Variants in PARD6G observed in about 807,000 individuals in gnomAD.
PARD6G encodes par-6 family cell polarity regulator gamma, also known as partitioning defective 6 homolog gamma.
In PARD6G, 7 loss-of-function variants were observed where a neutral mutation model predicts 10.7. The ratio of observed to expected loss-of-function variants is 0.66; its 90% confidence interval spans 0.37 to 1.23. The LOEUF is 1.23. Ranked by LOEUF, PARD6G falls within the 50% of genes most tolerant of loss-of-function variation. PARD6G has a pLI of 0.02. For missense variants in PARD6G, 548 were observed against 571.8 expected, an observed-to-expected ratio of 0.96 and a Z score of 0.42; for synonymous variants, 287 against 269.4, an observed-to-expected ratio of 1.07 and a Z score of -0.64.
chr18:80,184,018 T>G lies in PARD6G; in HGVS notation c.295+18692A>C, dbSNP rs1229791550. ...ACATATATGTTAGCGGTCAAAGAAC[T>G]CTGTTTTTCTTGGTCCAAACCAGAG... On this transcript the variant is annotated intron_variant, in intron 2 of 2. Transcript: ENST00000353265. The surrounding 1 kb of genome is among the most constrained non-coding windows in gnomAD (Gnocchi z 4.5). 6.6e-6 allele frequency: 1 copy of G among 152,208 alleles called. No homozygotes were observed. The highest frequency in any genetic ancestry group is 2.4e-5 in the African/African-American group (1 of 41,434). 9.4% of individuals were successfully genotyped at this position (152,208 alleles called of 1,614,324 possible). A position where few individuals can be genotyped will look rare whatever the true frequency, so the allele number is the denominator to read the frequency against.
intron 2 of PARD6G, among the ~76,000 whole-genome samples, chr18:80,167,361 A>G (rs1263725692): frequency 6.6e-6 from 1 of 152,080 alleles, no homozygotes; most frequent in African/African-American, 2.4e-5. Flanking sequence ...TGTGCAGGAT[A>G]ACACATGGGC....
At chr18:80,229,988 G>A (rs1002901659) in intron 1 of PARD6G, among the ~76,000 whole-genome samples, 6 of 152,178 alleles carry the variant, frequency 3.9e-5, no homozygotes, top group Non-Finnish European at 7.4e-5. Flanking sequence ...ATTCCCCCAC[G>A]CATCCAGGTG....
Position 80,160,561 on chromosome 18 carries a change from C to A in PARD6G, c.341G>T (p.Arg114Leu). 1 of 1,476,546 alleles carries A rather than the reference C, an allele frequency of 6.8e-7. No homozygotes were observed. Among genetic ancestry groups the A allele is most frequent in the Non-Finnish European group, 9.0e-7 (1 of 1,117,182 alleles). 91.5% of individuals were successfully genotyped at this position (1,476,546 alleles called of 1,614,324 possible). ...ACGCAGCGCGCCCAGCGCCCGCCTC[C>A]GCCTGCACAGCGAGCCCGCGCCGAG... Reference protein sequence around the residue: ...GSLGAGSLCRRRRALGALRDE... With the variant: ...GSLGAGSLCRLRRALGALRDE... The change falls in exon 3 of 3, where the codon CGG becomes CTG. Residue 114 changes from arginine to leucine, a missense_variant. Arg to Leu is a moderately radical substitution (Grantham distance 102). Around this residue, in one of 2 missense-constraint regions of PARD6G, gnomAD observed 235 missense variants for 291.9 expected, o/e 0.81. Coordinates refer to ENST00000353265, the MANE Select transcript of PARD6G (RefSeq NM_032510.4).
rs548581038 is a variant in PARD6G, at chr18:80,192,076, G to A, written c.295+10634C>T. 1.5e-4 allele frequency among the ~76,000 whole-genome samples: 23 copies of A among 152,324 alleles called. No homozygotes were observed. The highest frequency in any genetic ancestry group is 2.8e-4 in the Non-Finnish European group (19 of 68,032). ...TTTCATGTTTTCAATGTACAAGAAG[G>A]TCAGCGTTAACCACAAGAAGTTTCC... is the stretch of plus-strand genomic sequence containing the variant. On this transcript the variant is annotated intron_variant, in intron 2 of 2. Transcript: ENST00000353265. The surrounding 1 kb of genome is among the most constrained non-coding windows in gnomAD (Gnocchi z 4.9).
rs1022546717 is a variant in PARD6G, at chr18:80,184,481, G to A, written c.295+18229C>T. The A allele has an allele frequency of 6.6e-6, 1 of 152,236 alleles. No individual in the cohort carries two copies. Among genetic ancestry groups the A allele is most frequent in the Non-Finnish European group, 1.5e-5 (1 of 68,150 alleles). The allele number at this position is 152,236 out of a possible 1,614,324, so 9.4% of individuals were successfully genotyped here. A position where few individuals can be genotyped will look rare whatever the true frequency, so the allele number is the denominator to read the frequency against. On this transcript the variant is annotated intron_variant, in intron 2 of 2. Coordinates refer to ENST00000353265, the MANE Select transcript of PARD6G (RefSeq NM_032510.4). This position sits in a 1 kb window ranked among gnomAD's most constrained non-coding sequence, Gnocchi z 4.5. ...GGAGCAAGGCCGTGAAACCTGCAGC[G>A]GGAGCAAGGCGGTGAAACCCGCAGA...
chr18:80,208,767 A>C (rs115910257), intron 1 of PARD6G, among the ~76,000 whole-genome samples: 5 of 152,114 alleles, frequency 3.3e-5, no homozygotes. Flanking sequence ...TTTCCTAAAA[A>C]AGATTGCATT....
rs527685469 is a variant in PARD6G at position 80,224,674 on chromosome 18, C to T, written c.73-21742G>A. On this transcript the variant is annotated intron_variant, in intron 1 of 2. Transcript: ENST00000353265. ...CAACCTGGCTAACACGGTGAAACCC[C>T]ATCTCTACTAAAAATACAAAAAATT... 3.6e-3 allele frequency among the ~76,000 whole-genome samples: 547 copies of T among 152,228 alleles called. 4 individuals carry two copies. Among genetic ancestry groups the T allele is most frequent in the African/African-American group, 0.012 (513 of 41,556 alleles).
At chr18:80,242,595 G>A (rs9946010) in intron 1 of PARD6G, among the ~76,000 whole-genome samples, 3,835 of 152,290 alleles carry the variant, frequency 0.025, 157 homozygotes, top group African/African-American at 0.088. Flanking sequence ...CATCCTGGAG[G>A]GCCCAAGTTT....
rs962247509 is a variant in PARD6G, at chr18:80,158,341, T to C, written c.*1430A>G. 8.5e-5 allele frequency: 13 copies of C among 152,226 alleles called. No individual in the cohort carries two copies. Among genetic ancestry groups the C allele is most frequent in the African/African-American group, 2.9e-4 (12 of 41,454 alleles). 9.4% of individuals were successfully genotyped at this position (152,226 alleles called of 1,614,324 possible). A position where few individuals can be genotyped will look rare whatever the true frequency, so the allele number is the denominator to read the frequency against. ...GCAAATGACTGCATTCTCAAAGACA[T>C]TGCTGGACATGTGCGATGCTTATCC... On this transcript the variant is annotated 3_prime_UTR_variant, in exon 3 of 3. Transcript: ENST00000353265.
At chr18:80,240,792 A>T (rs1443959516) in intron 1 of PARD6G, among the ~76,000 whole-genome samples, 1 of 152,146 alleles carries the variant, frequency 6.6e-6, no homozygotes, top group African/African-American at 2.4e-5. Context: ...TTTCAAGGAG[A>T]CGTGAGGCTG....
intron 1 of PARD6G, among the ~76,000 whole-genome samples, chr18:80,232,805 G>A (rs1020743796): frequency 2.0e-5 from 3 of 152,226 alleles, no homozygotes; most frequent in African/African-American, 4.8e-5. Context: ...GGCAGCTGAG[G>A]AGAGGGTCTA....
At chr18:80,226,557 A>T (rs547855579) in intron 1 of PARD6G, among the ~76,000 whole-genome samples, 1 of 152,294 alleles carries the variant, frequency 6.6e-6, no homozygotes, top group East Asian at 1.9e-4. Context: ...ATGGTAGCAC[A>T]CTACCAACAC....
chr18:80,226,991 G>T (rs1330213493), intron 1 of PARD6G, among the ~76,000 whole-genome samples: 2 of 152,162 alleles, frequency 1.3e-5, no homozygotes, highest in African/African-American at 4.8e-5. Context: ...TGGAGACAGG[G>T]TCTTATTCTG....
chr18:80,212,343 A>C (rs2145287788), intron 1 of PARD6G, among the ~76,000 whole-genome samples: 1 of 152,236 alleles, frequency 6.6e-6, no homozygotes, highest in East Asian at 1.9e-4. Context: ...TTGGAAAATA[A>C]GTGAATGAAT....
intron 1 of PARD6G, among the ~76,000 whole-genome samples, chr18:80,224,644 A>G (rs570821881): frequency 1.7e-3 from 256 of 152,320 alleles, no homozygotes; most frequent in Non-Finnish European, 1.8e-3. Flanking sequence ...TCAGCAGTTC[A>G]AGACCAACCT....
chr18:80,164,809 T>G (rs2052724371), intron 2 of PARD6G, among the ~76,000 whole-genome samples: 2 of 152,162 alleles, frequency 1.3e-5, no homozygotes, highest in South Asian at 4.1e-4. Flanking sequence ...AGCAGGTTTT[T>G]TATTAAGGGT....
intron 2 of PARD6G, among the ~76,000 whole-genome samples, chr18:80,186,997 G>A (rs8087653): frequency 0.16 from 24,722 of 151,984 alleles, 2,679 homozygotes; most frequent in East Asian, 0.44. Context: ...TACTCAGGAG[G>A]CTGAGGCAGG....
chr18:80,211,815 C>T (rs371791109), intron 1 of PARD6G, among the ~76,000 whole-genome samples: 1 of 152,098 alleles, frequency 6.6e-6, no homozygotes, highest in African/African-American at 2.4e-5. Flanking sequence ...AAGGACAATA[C>T]TGTATGATTC....
chr18:80,236,976 C>T (rs1967430684), intron 1 of PARD6G, among the ~76,000 whole-genome samples: 1 of 152,180 alleles, frequency 6.6e-6, no homozygotes, highest in African/African-American at 2.4e-5. Context: ...CAATGACTTT[C>T]TGCACAGAAT....
Sources: gnomAD v4.1 joint callset for allele counts (sites outside exome capture counted in the v4.1 genomes callset) on GRCh38, gnomAD v4.1.1 for gene constraint, gnomAD v4.1.1 regional missense constraint, Gnocchi (gnomAD v3.1) non-coding constraint, MANE v1.5 for transcripts, NCBI Gene and HGNC (gene_info 2026-07-23, HGNC 2026-07-21) for gene names.